The following ATG12 variants were observed in gnomAD, a reference collection of about 807,000 sequenced individuals.
ATG12 encodes the protein ubiquitin-like protein ATG12.
ATG12 carries 19 observed loss-of-function variants against 17.6 expected under a neutral mutation model. The observed-to-expected ratio is 1.08, with a 90% CI of 0.75 to 1.58. The LOEUF is 1.58. Ranked by LOEUF, ATG12 falls within the 40% of genes most tolerant of loss-of-function variation. ATG12 has a pLI of 0.00. For missense variants in ATG12, 214 were observed against 162.0 expected (o/e 1.32, Z -1.74); for synonymous variants, 75 against 62.4 (o/e 1.20, Z -0.95).
chr5:115,841,260 T>C, intron 1 of ATG12, 130 bp downstream of exon 1: 1 of 1,233,026 alleles, frequency 8.1e-7, no homozygotes, highest in South Asian at 1.4e-5. Flanking sequence ...ACTTCTTTTC[T>C]TCTGATGACT....
rs138711999 is a variant in ATG12, at chr5:115,829,056, G to C, written c.*2748C>G. On this transcript the variant is annotated 3_prime_UTR_variant, in exon 4 of 4. Transcript: ENST00000509910. ...TCTTCAAAGAATGGTGAATAATCCA[G>C]TTTGGGTTAAATAATGTAGGCAGAG... The C allele has an allele frequency of 1.4e-4, 21 of 152,296 alleles. No individual in the cohort carries two copies. The highest frequency in any genetic ancestry group is 4.8e-4 in the African/African-American group (20 of 41,570). 9.4% of individuals were successfully genotyped at this position (152,296 alleles called of 1,614,324 possible).
intron 2 of ATG12, among the ~76,000 whole-genome samples, chr5:115,836,112 G>A (rs563040887): frequency 3.3e-5 from 5 of 152,158 alleles, no homozygotes; most frequent in Non-Finnish European, 7.4e-5. Context: ...TAATTCTTAT[G>A]TTTCCTATTG....
intron 1 of ATG12, 71 bp from the exon 2 acceptor site, chr5:115,837,835 TAGAAATC>T: frequency 3.1e-6 from 4 of 1,280,874 alleles, no homozygotes; most frequent in Admixed American, 3.0e-5. Flanking sequence ...ATAAAAGACT[TAGAAATC>T]AGAAATATTT....
rs1761157585 is a variant in ATG12 at position 115,837,551 on chromosome 5, A to G, written c.300+77T>C. The G allele has an allele frequency of 2.7e-6, 4 of 1,471,594 alleles. No individual in the cohort carries two copies. The East Asian group carries it at 9.1e-5, about 33-fold the overall frequency. 91.2% of individuals were successfully genotyped at this position (1,471,594 alleles called of 1,614,324 possible). Reference sequence around the variant, plus strand: ...CATATGTGGCTCCATATGCATTTCTATAAACAACAGTTAATTCACTGTTGC... The same window carrying G: ...CATATGTGGCTCCATATGCATTTCTGTAAACAACAGTTAATTCACTGTTGC... On this transcript the variant is annotated intron_variant, in intron 2 of 3. Coordinates refer to ENST00000509910, the MANE Select transcript of ATG12 (RefSeq NM_004707.4).
intron 2 of ATG12, among the ~76,000 whole-genome samples, chr5:115,836,838 T>C (rs1193667722): frequency 2.0e-5 from 3 of 152,222 alleles, no homozygotes; most frequent in African/African-American, 7.2e-5. Flanking sequence ...TAAATTTCTG[T>C]AGTCAAATGC....
Position 115,829,034 on chromosome 5 carries a change from T to G in ATG12, c.*2770A>C, listed in dbSNP as rs1020554144. 6.6e-6 allele frequency: 1 copy of G among 152,190 alleles called. No homozygotes were observed. Among genetic ancestry groups the G allele is most frequent in the Non-Finnish European group, 1.5e-5 (1 of 68,016 alleles). The allele number at this position is 152,190 out of a possible 1,614,324, so 9.4% of individuals were successfully genotyped here. On this transcript the variant is annotated 3_prime_UTR_variant, in exon 4 of 4. Transcript: ENST00000509910. ...AGATAACAGAAAACACAAGGCATCTTCAAAGAATGGTGAATAATCCAGTTT... is the reference window on the plus strand; with the variant it reads ...AGATAACAGAAAACACAAGGCATCTGCAAAGAATGGTGAATAATCCAGTTT...
rs201031047 is a variant in ATG12 at position 115,832,668 on chromosome 5, C to T, written c.301-4G>A. On this transcript the variant is annotated splice_region_variant and splice_polypyrimidine_tract_variant and intron_variant, in intron 2 of 3. Coordinates refer to ENST00000509910, the MANE Select transcript of ATG12 (RefSeq NM_004707.4). ...AGGACTGATTCACATAAATAAACTA[C>T]AAGAAAGGAAGGAAAAACAGAGATG... The T allele has an allele frequency of 9.8e-6, 13 of 1,326,576 alleles. No homozygotes were observed. Among genetic ancestry groups the T allele is most frequent in the Admixed American group, 9.3e-5 (3 of 32,306 alleles). The allele number at this position is 1,326,576 out of a possible 1,614,324, so 82.2% of individuals were successfully genotyped here.
intron 2 of ATG12, among the ~76,000 whole-genome samples, chr5:115,834,659 G>T (rs559694622): frequency 6.6e-6 from 1 of 152,100 alleles, no homozygotes; most frequent in African/African-American, 2.4e-5. Flanking sequence ...AGCATTTTCT[G>T]CTAATAGTCT....
chr5:115,837,483 G>A (rs1261745198), intron 2 of ATG12, 145 bp downstream of exon 2: 2 of 837,316 alleles, frequency 2.4e-6, no homozygotes, highest in Non-Finnish European at 3.7e-6. Context: ...AAAAAAAAAT[G>A]AATAAATAAA....
intron 2 of ATG12, chr5:115,833,681 CT>C (rs934989891): frequency 1.1e-4 from 17 of 152,268 alleles, no homozygotes; most frequent in South Asian, 4.1e-4. Flanking sequence ...GTTAAATTAT[CT>C]TTAAATAGTT....
chr5:115,832,102 T>C lies in ATG12; in HGVS notation c.364-239A>G, dbSNP rs116059546. 4.5e-3 allele frequency among the ~76,000 whole-genome samples: 688 copies of C among 152,302 alleles called. 5 individuals carry two copies. The highest frequency in any genetic ancestry group is 0.016 in the African/African-American group (660 of 41,572). ...ATGAATGAGCTTATGTATTTTAATC[T>C]TGTCCTTTCTCTACATGTCCAACCA... On this transcript the variant is annotated intron_variant, in intron 3 of 3. Transcript: ENST00000509910.
At chr5:115,837,864 A>ATCT (rs1162469817) in intron 1 of ATG12, 100 bp from the exon 2 acceptor site, 1 of 967,064 alleles carries the variant, frequency 1.0e-6, no homozygotes, top group African/African-American at 1.7e-5. Context: ...ATCTACATCC[A>ATCT]TCTTACGTAT....
In ATG12 at chr5:115,830,566, TGG is replaced by T. The variant is rs941970684; in HGVS notation, c.*1236_*1237del. On this transcript the variant is annotated 3_prime_UTR_variant, in exon 4 of 4. Transcript: ENST00000509910. The stretch of plus-strand genomic sequence containing the variant: ...ATGCCTTTTTTTTTCTTTTTTGAGA[TGG>T]GGTCTCACTCTGTTGCTCAGCAGGA... 5 of 152,100 alleles carry T rather than the reference TGG, an allele frequency of 3.3e-5. No homozygotes were observed. The highest frequency in any genetic ancestry group is 1.2e-4 in the African/African-American group (5 of 41,416). 9.4% of individuals were successfully genotyped at this position (152,100 alleles called of 1,614,324 possible). A position where few individuals can be genotyped will look rare whatever the true frequency, so the allele number is the denominator to read the frequency against.
intron 1 of ATG12, 133 bp from the exon 2 acceptor site, chr5:115,837,897 GA>G: frequency 2.8e-6 from 2 of 727,242 alleles, no homozygotes; most frequent in Non-Finnish European, 4.0e-6. Context: ...AGATATGTGA[GA>G]GATGTAAAAA....
At chr5:115,836,332 C>T (rs1761097192) in intron 2 of ATG12, among the ~76,000 whole-genome samples, 3 of 152,202 alleles carry the variant, frequency 2.0e-5, no homozygotes, top group African/African-American at 7.2e-5. Flanking sequence ...AGTATCATTT[C>T]ATTTTTCTTA....
chr5:115,832,589 T>C lies in ATG12; in HGVS notation c.363+13A>G. The C allele has an allele frequency of 6.9e-7, 1 of 1,439,620 alleles. No individual in the cohort carries two copies. The highest frequency in any genetic ancestry group is 9.1e-7 in the Non-Finnish European group (1 of 1,102,744). 89.2% of individuals were successfully genotyped at this position (1,439,620 alleles called of 1,614,324 possible). ...TTTCTTTCTTTTTTTTTTTTTTTTT[T>C]TTTTTTTTTTACCTCATAGAGAGTT... On this transcript the variant is annotated intron_variant, in intron 3 of 3. Transcript: ENST00000509910.
In ATG12 at chr5:115,831,406, A is replaced by C. The variant is rs549060335; in HGVS notation, c.*398T>G. On this transcript the variant is annotated 3_prime_UTR_variant, in exon 4 of 4. Coordinates refer to ENST00000509910, the MANE Select transcript of ATG12 (RefSeq NM_004707.4). The stretch of plus-strand genomic sequence containing the variant: ...AATGTGACTAAAAAGGTAAACATAG[A>C]GATAAATGTAAACATTAAAAAAAAA... 278 of 196,504 alleles carry C rather than the reference A, an allele frequency of 1.4e-3. 2 individuals are homozygous for C. The highest frequency in any genetic ancestry group is 5.9e-3 in the African/African-American group (250 of 42,232). The allele number at this position is 196,504 out of a possible 1,614,324, so 12.2% of individuals were successfully genotyped here. A position where few individuals can be genotyped will look rare whatever the true frequency, so the allele number is the denominator to read the frequency against.
In ATG12 at chr5:115,841,498, C is replaced by T. The variant is rs763801486; in HGVS notation, c.55G>A (p.Gly19Arg). 1 of 1,612,338 alleles carries T rather than the reference C, an allele frequency of 6.2e-7. No homozygotes were observed. Among genetic ancestry groups the T allele is most frequent in the South Asian group, 1.1e-5 (1 of 91,008 alleles). Residue 19 changes from glycine to arginine, a missense_variant, in exon 1 of 4, where the codon GGG becomes AGG. Physicochemically the swap from Gly to Arg is moderately radical, Grantham distance 125. Coordinates refer to ENST00000509910, the MANE Select transcript of ATG12 (RefSeq NM_004707.4). ...GGGGAGACATCCGTAAGTCCTTCCC[C>T]TCCAGCAGCAATTGAAGTAGGAAGC... ...LQLPTSIAAG[G>R]EGLTDVSPET...
At position 115,841,443 on chromosome 5, in the gene ATG12, G is replaced by A. The variant is rs1026900234; in HGVS notation, c.110C>T (p.Ser37Phe). Residue 37 changes from serine to phenylalanine, a missense_variant, in exon 1 of 4, where the codon TCC becomes TTC. Physicochemically the swap from Ser to Phe is radical, Grantham distance 155 (BLOSUM62 -2). Coordinates refer to ENST00000509910, the MANE Select transcript of ATG12 (RefSeq NM_004707.4). ...PETTTPEPPS[S>F]AAVSPGTEEP... The stretch of plus-strand genomic sequence containing the variant: ...CTCTGTTCCCGGGGAAACTGCAGCG[G>A]AAGACGGGGGCTCCGGGGTGGTTGT... 1 of 1,610,228 alleles carries A rather than the reference G, an allele frequency of 6.2e-7. No individual in the cohort carries two copies. The highest frequency in any genetic ancestry group is 8.5e-7 in the Non-Finnish European group (1 of 1,179,060).
Sources: allele counts gnomAD v4.1 joint callset (sites outside exome capture counted in the v4.1 genomes callset), GRCh38; gene constraint gnomAD v4.1.1; transcripts MANE v1.5; gene names NCBI Gene and HGNC (gene_info 2026-07-23, HGNC 2026-07-21).